Variants in MAML3 observed in about 807,000 individuals in gnomAD.
MAML3 encodes mastermind like transcriptional coactivator 3.
In MAML3, 27 loss-of-function variants were observed where a neutral mutation model predicts 101.9. The ratio of observed to expected loss-of-function variants is 0.27; its 90% CI spans 0.20 to 0.37. The LOEUF (loss-of-function observed/expected upper bound fraction) is 0.37. Among genes scored for constraint, MAML3 ranks in the 10% least tolerant of loss-of-function variants. The probability of loss-of-function intolerance (pLI) is 1.00; values close to 1 mark genes in which losing one functional copy is unlikely to be tolerated. For synonymous variants in MAML3, 501 were observed against 555.9 expected, an observed-to-expected ratio of 0.90 and a Z score of 1.39; for missense variants, 1,316 against 1,444.9, an observed-to-expected ratio of 0.91 and a Z score of 1.45.
chr4:139,998,227 T>C (rs56172573), intron 1 of MAML3, among the ~76,000 whole-genome samples: 39,773 of 152,148 alleles, frequency 0.26, 6,583 homozygotes, highest in Non-Finnish European at 0.37. Context: ...TAATTTCTAT[T>C]GATCTATCAC....
At chr4:140,147,391 T>C (rs1452470912) in intron 1 of MAML3, among the ~76,000 whole-genome samples, 1 of 152,214 alleles carries the variant, frequency 6.6e-6, no homozygotes, top group Non-Finnish European at 1.5e-5. Context: ...TTGTATCTGA[T>C]TGTTTCATTA....
At chr4:139,863,404 G>T (rs1282563804) in intron 2 of MAML3, among the ~76,000 whole-genome samples, 17 of 145,394 alleles carry the variant, frequency 1.2e-4, no homozygotes, top group African/African-American at 4.3e-4. Flanking sequence ...AGGCTGGAGT[G>T]CAATGGTGTG....
chr4:139,948,755 CACTT>C (rs1316449796), intron 1 of MAML3, among the ~76,000 whole-genome samples: 2 of 152,202 alleles, frequency 1.3e-5, no homozygotes, highest in Non-Finnish European at 2.9e-5. Flanking sequence ...AAATAGCAAA[CACTT>C]ACATGACACT....
At chr4:139,755,227 G>T (rs1729619866) in intron 2 of MAML3, among the ~76,000 whole-genome samples, 1 of 152,220 alleles carries the variant, frequency 6.6e-6, no homozygotes, top group Non-Finnish European at 1.5e-5. Context: ...CTCTGGGAGT[G>T]AAACGCACTG....
rs1397821331 is a variant in MAML3 at position 140,153,484 on chromosome 4, G to A, written c.-157C>T. ...CGATCCCGACGGGGCGAAAAAAACG[G>A]GGGGGGAGATTTTGGGGTGGTTTTT... On this transcript the variant is annotated 5_prime_UTR_variant, in exon 1 of 5. Coordinates refer to ENST00000509479, the MANE Select transcript of MAML3 (RefSeq NM_018717.5). 7.4e-6 allele frequency: 6 copies of A among 812,700 alleles called. No homozygotes were observed. Among genetic ancestry groups the A allele is most frequent in the African/African-American group, 5.4e-5 (3 of 55,714 alleles). 50.3% of individuals were successfully genotyped at this position (812,700 alleles called of 1,614,324 possible). A position where few individuals can be genotyped will look rare whatever the true frequency, so the allele number is the denominator to read the frequency against.
intron 2 of MAML3, chr4:139,731,036 T>G: frequency 4.2e-6 from 1 of 236,042 alleles, no homozygotes; most frequent in African/African-American, 2.2e-5. Context: ...ACGAGACACA[T>G]CCTGACCTCA....
At chr4:140,035,012 C>T (rs747933760) in intron 1 of MAML3, among the ~76,000 whole-genome samples, 7 of 152,148 alleles carry the variant, frequency 4.6e-5, no homozygotes, top group Non-Finnish European at 8.8e-5. Context: ...CTCTATTGCC[C>T]AGGCTGGAGT....
chr4:139,753,373 T>TATCTATC (rs1297486505), intron 2 of MAML3, among the ~76,000 whole-genome samples: 1 of 151,940 alleles, frequency 6.6e-6, no homozygotes, highest in Non-Finnish European at 1.5e-5. Flanking sequence ...TCTATCTATC[T>TATCTATC]ATCTATCTAT....
At chr4:139,809,316 T>C (rs1730753152) in intron 2 of MAML3, among the ~76,000 whole-genome samples, 1 of 152,234 alleles carries the variant, frequency 6.6e-6, no homozygotes, top group Non-Finnish European at 1.5e-5. Flanking sequence ...TTTCTTTCTT[T>C]CCTTCCCTTC....
chr4:139,987,732 G>C (rs554561682), intron 1 of MAML3, among the ~76,000 whole-genome samples: 16 of 152,004 alleles, frequency 1.1e-4, no homozygotes, highest in Non-Finnish European at 2.2e-4. Context: ...TGAAACAGTG[G>C]ACTGTGGCTG....
chr4:139,737,682 A>G (rs1015201443), intron 2 of MAML3, among the ~76,000 whole-genome samples: 2 of 152,240 alleles, frequency 1.3e-5, no homozygotes, highest in African/African-American at 4.8e-5. Context: ...ACAAAATAAA[A>G]TAAAACCTTA....
intron 1 of MAML3, among the ~76,000 whole-genome samples, chr4:139,987,916 G>A (rs1183187371): frequency 6.6e-6 from 1 of 150,752 alleles, no homozygotes; most frequent in African/African-American, 2.4e-5. Context: ...CAGCTACTTG[G>A]GAGGCTGAGG....
intron 1 of MAML3, among the ~76,000 whole-genome samples, chr4:140,076,812 C>T (rs1263288455): frequency 2.0e-5 from 3 of 152,122 alleles, no homozygotes; most frequent in South Asian, 2.1e-4. Context: ...CCAGACAGCT[C>T]GCGGGCAGAC....
intron 2 of MAML3, among the ~76,000 whole-genome samples, chr4:139,751,619 T>A (rs1233680191): frequency 6.6e-6 from 1 of 152,146 alleles, no homozygotes; most frequent in Non-Finnish European, 1.5e-5. Flanking sequence ...GCTCAACCTG[T>A]ATATATAACC....
At chr4:139,888,527 G>A in intron 2 of MAML3, 2 of 518,854 alleles carry the variant, frequency 3.9e-6, no homozygotes, top group Admixed American at 3.9e-5. Flanking sequence ...AGGAGCTTTG[G>A]CTGTTTGCCA....
intron 2 of MAML3, among the ~76,000 whole-genome samples, chr4:139,771,106 G>T (rs1207576492): frequency 2.0e-5 from 3 of 152,184 alleles, no homozygotes; most frequent in Admixed American, 1.3e-4. Context: ...ATCCATTCAT[G>T]AAGTCTTTAC....
chr4:139,749,435 T>C (rs1357625036), intron 2 of MAML3, among the ~76,000 whole-genome samples: 5 of 152,218 alleles, frequency 3.3e-5, no homozygotes, highest in Non-Finnish European at 7.3e-5. Flanking sequence ...CGAAATCTGA[T>C]TGTTTTCTCA....
chr4:139,919,326 T>A (rs976831202), intron 1 of MAML3, among the ~76,000 whole-genome samples: 4 of 152,250 alleles, frequency 2.6e-5, no homozygotes, highest in African/African-American at 7.2e-5. Flanking sequence ...GTTTTATTCA[T>A]GGCAAATGCC....
intron 1 of MAML3, among the ~76,000 whole-genome samples, chr4:140,100,855 T>C (rs571290611): frequency 3.3e-5 from 5 of 152,152 alleles, no homozygotes; most frequent in Non-Finnish European, 5.9e-5. Context: ...GGGAGTGATA[T>C]TATGCCATTT....
Sources: gnomAD v4.1 joint callset for allele counts (sites outside exome capture counted in the v4.1 genomes callset) on GRCh38, gnomAD v4.1.1 for gene constraint, MANE v1.5 for transcripts, NCBI Gene and HGNC (gene_info 2026-07-23, HGNC 2026-07-21) for gene names.